The following OPRK1 variants were observed in gnomAD, a reference collection of about 807,000 sequenced individuals.
OPRK1 encodes the protein kappa-type opioid receptor.
Under a neutral mutation model 24.5 loss-of-function variants are expected in OPRK1, and 15 were observed. The observed-to-expected ratio is 0.61, with a 90% CI of 0.41 to 0.94. OPRK1 has a LOEUF of 0.94. OPRK1 is among the 40% of genes least tolerant of loss of function. The pLI, the probability that OPRK1 is intolerant of heterozygous loss-of-function variation, is 0.00. For missense variants in OPRK1, 479 were observed against 507.3 expected (o/e 0.94, Z 0.54); for synonymous variants, 205 against 198.0 (o/e 1.04, Z -0.30).
intron 2 of OPRK1, among the ~76,000 whole-genome samples, chr8:53,249,707 T>C (rs1807322902): frequency 3.3e-5 from 5 of 152,210 alleles, no homozygotes; most frequent in Admixed American, 3.3e-4. Flanking sequence ...CTACCATTCA[T>C]GATATGGTTG....
In OPRK1 at chr8:53,227,642, T is replaced by C. The variant is rs144236781; in HGVS notation, c.*1655A>G. ...GAGAAATCACTTCCATTCTGCCATA[T>C]GTCATCTGTGTTAGGTGCCATGATA... On this transcript the variant is annotated 3_prime_UTR_variant, in exon 4 of 4. Transcript: ENST00000265572. The C allele has an allele frequency of 6.6e-6, 1 of 152,318 alleles. No individual in the cohort carries two copies. The highest frequency in any genetic ancestry group is 1.9e-4 in the East Asian group (1 of 5,174). The allele number at this position is 152,318 out of a possible 1,614,324, so 9.4% of individuals were successfully genotyped here. A position where few individuals can be genotyped will look rare whatever the true frequency, so the allele number is the denominator to read the frequency against.
At chr8:53,235,199 A>C (rs754067363) in intron 2 of OPRK1, 88 bp from the exon 3 acceptor site, 20 of 1,125,966 alleles carry the variant, frequency 1.8e-5, no homozygotes, top group Non-Finnish European at 2.3e-5. Context: ...TGGATTACTG[A>C]TTTTGCTTCT....
At position 53,235,102 on chromosome 8, in the gene OPRK1, C is replaced by T. The variant is rs142873153; in HGVS notation, c.267G>A (p.Lys89=). 17 of 1,612,072 alleles carry T rather than the reference C, an allele frequency of 1.1e-5. No homozygotes were observed. The highest frequency in any genetic ancestry group is 5.0e-5 in the Admixed American group (3 of 59,858). The change falls in exon 3 of 4, where the codon AAG becomes AAA. Residue 89 remains lysine (K), a synonymous_variant. Coordinates refer to ENST00000265572, the MANE Select transcript of OPRK1 (RefSeq NM_000912.5). ...TGTAAATGTTGGTTGCTGTCTTCAT[C>T]TTTGTGTATCTAAAAGAAAAGAAAC... ...LVMFVIIRYT[K]MKTATNIYIF...
At chr8:53,241,814 C>T (rs1807122133) in intron 2 of OPRK1, among the ~76,000 whole-genome samples, 1 of 152,228 alleles carries the variant, frequency 6.6e-6, no homozygotes, top group South Asian at 2.1e-4. Context: ...CGCGCAGGTG[C>T]AGGCTACCCA....
intron 3 of OPRK1, among the ~76,000 whole-genome samples, chr8:53,231,033 A>C (rs1275200083): frequency 6.6e-6 from 1 of 152,210 alleles, no homozygotes; most frequent in African/African-American, 2.4e-5. Flanking sequence ...AAAAGGATAT[A>C]AACATTTTTG....
Position 53,227,814 on chromosome 8 carries a change from C to G in OPRK1, c.*1483G>C, listed in dbSNP as rs201233498. The G allele has an allele frequency of 1.3e-5, 2 of 151,660 alleles. No homozygotes were observed. The highest frequency in any genetic ancestry group is 2.9e-5 in the Non-Finnish European group (2 of 67,984). 9.4% of individuals were successfully genotyped at this position (151,660 alleles called of 1,614,324 possible). A position where few individuals can be genotyped will look rare whatever the true frequency, so the allele number is the denominator to read the frequency against. ...CAGAACTTAACAGTTGTAATGATGTCTGTAGTTACATAGGGCTATATATTC... is the reference window on the plus strand; with the variant it reads ...CAGAACTTAACAGTTGTAATGATGTGTGTAGTTACATAGGGCTATATATTC... On this transcript the variant is annotated 3_prime_UTR_variant, in exon 4 of 4. Transcript: ENST00000265572.
At chr8:53,242,659 A>G (rs1807140762) in intron 2 of OPRK1, 2 of 296,416 alleles carry the variant, frequency 6.7e-6, no homozygotes, top group Non-Finnish European at 1.1e-5. Context: ...GGCGCCCGCC[A>G]CTACGCCCGG....
intron 2 of OPRK1, chr8:53,242,953 A>G (rs1157063969): frequency 1.6e-6 from 2 of 1,282,068 alleles, no homozygotes; most frequent in Admixed American, 4.6e-5. Flanking sequence ...AGCCATTTAT[A>G]GTATTATCCC....
intron 2 of OPRK1, among the ~76,000 whole-genome samples, chr8:53,237,495 G>A (rs1248876303): frequency 1.3e-5 from 2 of 152,102 alleles, no homozygotes; most frequent in Admixed American, 6.5e-5. Flanking sequence ...CCACATTTCC[G>A]AAGTGCCTGC....
chr8:53,242,334 C>T (rs1563330067), intron 2 of OPRK1, among the ~76,000 whole-genome samples: 1 of 152,160 alleles, frequency 6.6e-6, no homozygotes, highest in Non-Finnish European at 1.5e-5. Context: ...TAACAACTGC[C>T]TGCCCTTGGG....
chr8:53,229,604 A>G lies in OPRK1; in HGVS notation c.836T>C (p.Val279Ala). 6.2e-7 allele frequency: 1 copy of G among 1,614,030 alleles called. No homozygotes were observed. The highest frequency in any genetic ancestry group is 8.5e-7 in the Non-Finnish European group (1 of 1,179,948). The change falls in exon 4 of 4, where the codon GTG becomes GCG. Residue 279 changes from valine (V) to alanine (A), a missense_variant. Val to Ala is a moderately conservative substitution (Grantham distance 64, BLOSUM62 0). Coordinates refer to ENST00000265572, the MANE Select transcript of OPRK1 (RefSeq NM_000912.5). ...LRRITRLVLV[V>A]VAVFVVCWTP... ...CCAGCAGACGACGAAGACTGCCACC[A>G]CCACCAGGACCAGTCTGGTGATCCT...
At position 53,229,449 on chromosome 8, in the gene OPRK1, C is replaced by T. The variant is rs200397918; in HGVS notation, c.991G>A (p.Ala331Thr). 1.9e-5 allele frequency: 30 copies of T among 1,614,010 alleles called. No homozygotes were observed. Among genetic ancestry groups the T allele is most frequent in the Middle Eastern group, 1.6e-4 (1 of 6,084 alleles). The change falls in exon 4 of 4, where the codon GCC becomes ACC. Residue 331 changes from alanine to threonine, a missense_variant. Coordinates refer to ENST00000265572, the MANE Select transcript of OPRK1 (RefSeq NM_000912.5). ...TNSSLNPILY[A>T]FLDENFKRCF... ...CGCTTGAAGTTTTCATCAAGAAAGGCGTAGAGAATGGGATTCAGGCTACTG... is the reference window on the plus strand; with the variant it reads ...CGCTTGAAGTTTTCATCAAGAAAGGTGTAGAGAATGGGATTCAGGCTACTG...
At chr8:53,251,243 G>T in intron 1 of OPRK1, 158 bp from the exon 2 acceptor site, 1 of 799,068 alleles carries the variant, frequency 1.3e-6, no homozygotes, top group Non-Finnish European at 1.8e-6. Context: ...TTTCCGGCCA[G>T]CAGGCGCGCC....
Position 53,251,446 on chromosome 8 carries a change from A to T in OPRK1, c.-49+2T>A. 1 of 193,286 alleles carries T rather than the reference A, an allele frequency of 5.2e-6. No homozygotes were observed. The allele number at this position is 193,286 out of a possible 1,614,324, so 12.0% of individuals were successfully genotyped here. A position where few individuals can be genotyped will look rare whatever the true frequency, so the allele number is the denominator to read the frequency against. On this transcript the variant is annotated splice_donor_variant, in intron 1 of 3. Transcript: ENST00000265572. LOFTEE classifies it low-confidence loss of function (5UTR_SPLICE). ...ACTGCACCTCGAAAGCCCAAAGCTT[A>T]CCTATGGTTCCCAGAGACAGGCGAA...
chr8:53,240,443 G>T (rs1206772309), intron 2 of OPRK1, among the ~76,000 whole-genome samples: 3 of 152,134 alleles, frequency 2.0e-5, no homozygotes, highest in Non-Finnish European at 4.4e-5. Flanking sequence ...GAAGCTGGTG[G>T]CTCTCTTACA....
At position 53,250,850 on chromosome 8, in the gene OPRK1, G is replaced by A. The variant is rs758167986; in HGVS notation, c.188C>T (p.Thr63Met). Residue 63 changes from threonine (T) to methionine (M), a missense_variant, in exon 2 of 4, where the codon ACG (threonine) becomes ATG (methionine). Coordinates refer to ENST00000265572, the MANE Select transcript of OPRK1 (RefSeq NM_000912.5). Reference sequence around the variant, plus strand: ...GACGAACACTACGGAGTAGACCGCCGTGATGATGACCGGGATGGCCGGGGA... The same window carrying A: ...GACGAACACTACGGAGTAGACCGCCATGATGATGACCGGGATGGCCGGGGA... ...HISPAIPVII[T>M]AVYSVVFVVG... 40 of 1,613,424 alleles carry A rather than the reference G, an allele frequency of 2.5e-5. 1 individual carries two copies. In the South Asian group the frequency reaches 4.0e-4, roughly 16 times the overall value.
chr8:53,247,835 A>G (rs1807269504), intron 2 of OPRK1, among the ~76,000 whole-genome samples: 1 of 151,836 alleles, frequency 6.6e-6, no homozygotes, highest in Admixed American at 6.6e-5. Flanking sequence ...ATCTCTACCA[A>G]AAATACAAAA....
At chr8:53,235,164 A>G (rs564454696) in intron 2 of OPRK1, 53 bp from the exon 3 acceptor site, 1 of 1,472,264 alleles carries the variant, frequency 6.8e-7, no homozygotes, top group South Asian at 1.2e-5. Flanking sequence ...CAAACCCATA[A>G]GGTGAATGTG....
chr8:53,251,545 C>G lies in OPRK1; in HGVS notation c.-146G>C, dbSNP rs200193637. 608 of 153,340 alleles carry G rather than the reference C, an allele frequency of 4.0e-3. 8 individuals are homozygous for G. The highest frequency in any genetic ancestry group is 0.014 in the African/African-American group (580 of 41,610). 9.5% of individuals were successfully genotyped at this position (153,340 alleles called of 1,614,324 possible). On this transcript the variant is annotated 5_prime_UTR_variant, in exon 1 of 4. Coordinates refer to ENST00000265572, the MANE Select transcript of OPRK1 (RefSeq NM_000912.5). ...ACGAGTCCCGCTCAGCTCTTGGCAT[C>G]ACCTGCTCTCGGACCCCGGCCCCGC...
Sources: allele counts gnomAD v4.1 joint callset (sites outside exome capture counted in the v4.1 genomes callset), GRCh38; gene constraint gnomAD v4.1.1; transcripts MANE v1.5; gene names NCBI Gene and HGNC (gene_info 2026-07-23, HGNC 2026-07-21).